SAMD5: variants seen among roughly 807,000 people sequenced by gnomAD.
The protein encoded by SAMD5 is sterile alpha motif domain-containing protein 5.
Under a neutral mutation model 11.3 loss-of-function variants are expected in SAMD5, and 13 were observed. The observed-to-expected ratio is 1.15, with a 90% CI of 0.75 to 1.83. The LOEUF is 1.83. Ranked by LOEUF, SAMD5 falls within the 40% of genes most tolerant of loss-of-function variation. SAMD5 has a pLI of 0.00. For synonymous variants in SAMD5, 129 were observed against 111.3 expected (o/e 1.16, Z -1.00); for missense variants, 255 against 239.1 (o/e 1.07, Z -0.44).
the SAMD5 span, among the ~76,000 whole-genome samples, chr6:147,843,588 TA>T: frequency 6.6e-6 from 1 of 152,160 alleles, no homozygotes; most frequent in South Asian, 2.1e-4. Context: ...ATGGGATTTC[TA>T]AACATATTAC....
the SAMD5 span, among the ~76,000 whole-genome samples, chr6:147,862,992 G>A: frequency 2.6e-5 from 4 of 152,090 alleles, no homozygotes; most frequent in African/African-American, 9.7e-5. Flanking sequence ...AATAAATGTA[G>A]GCTGGGGAAT....
chr6:147,704,309 A>G (rs958876355), intron 1 of SAMD5, among the ~76,000 whole-genome samples: 16 of 150,900 alleles, frequency 1.1e-4, no homozygotes, highest in Non-Finnish European at 1.9e-4. Context: ...CTCAACATTT[A>G]ATTTTCTAGA....
chr6:147,692,091 T>C (rs1221252253), intron 1 of SAMD5, among the ~76,000 whole-genome samples: 1 of 152,212 alleles, frequency 6.6e-6, no homozygotes, highest in Non-Finnish European at 1.5e-5. Context: ...AAGTGGATGA[T>C]AACTTATTGA....
At chr6:147,804,373 G>C in the SAMD5 span, among the ~76,000 whole-genome samples, 1 of 152,074 alleles carries the variant, frequency 6.6e-6, no homozygotes, top group African/African-American at 2.4e-5. Context: ...GCCTCCCAAA[G>C]TGCTGGGATT....
chr6:147,893,655 G>A, the SAMD5 span, among the ~76,000 whole-genome samples: 2 of 152,034 alleles, frequency 1.3e-5, no homozygotes, highest in African/African-American at 4.8e-5. Context: ...TGACACTATT[G>A]CTTGACCTGT....
At chr6:147,590,459 C>A (rs1003630602) in intron 1 of SAMD5, among the ~76,000 whole-genome samples, 4 of 152,166 alleles carry the variant, frequency 2.6e-5, no homozygotes, top group Non-Finnish European at 4.4e-5. Flanking sequence ...ATTGCCCAGA[C>A]TGGAGTGCAG....
chr6:147,587,259 A>G (rs904173157), intron 1 of SAMD5, among the ~76,000 whole-genome samples: 2 of 152,038 alleles, frequency 1.3e-5, no homozygotes, highest in East Asian at 3.9e-4. Flanking sequence ...GCTTTTTGAG[A>G]TGGAGTTTCA....
the SAMD5 span, among the ~76,000 whole-genome samples, chr6:147,853,362 A>G: frequency 1.3e-5 from 2 of 151,974 alleles, no homozygotes; most frequent in African/African-American, 4.8e-5. Context: ...TTGAAACTCA[A>G]ATTCCAGAAT....
intron 1 of SAMD5, among the ~76,000 whole-genome samples, chr6:147,677,874 A>G (rs1304689807): frequency 1.3e-5 from 2 of 152,064 alleles, no homozygotes; most frequent in African/African-American, 2.4e-5. Context: ...GAATAATTGA[A>G]ACACTCCTGG....
the SAMD5 span, among the ~76,000 whole-genome samples, chr6:147,926,436 A>G: frequency 6.7e-6 from 1 of 150,062 alleles, no homozygotes; most frequent in Admixed American, 6.7e-5. Flanking sequence ...CTAATGATCC[A>G]TAATATTGAG....
intron 1 of SAMD5, among the ~76,000 whole-genome samples, chr6:147,587,532 C>T (rs549266591): frequency 1.2e-4 from 19 of 152,206 alleles, no homozygotes; most frequent in African/African-American, 3.9e-4. Context: ...CCACTGCTCC[C>T]GGCCCTTTTC....
intron 1 of SAMD5, among the ~76,000 whole-genome samples, chr6:147,610,496 A>C (rs1789767591): frequency 6.6e-6 from 1 of 152,162 alleles, no homozygotes; most frequent in African/African-American, 2.4e-5. Context: ...ATTTCCTCTA[A>C]AATTGTATTC....
chr6:147,745,944 C>T, the SAMD5 span, among the ~76,000 whole-genome samples: 1 of 152,054 alleles, frequency 6.6e-6, no homozygotes, highest in Non-Finnish European at 1.5e-5. Context: ...GTTTCACTAT[C>T]TTGGCCAGGC....
intron 1 of SAMD5, among the ~76,000 whole-genome samples, chr6:147,535,041 A>G (rs999799061): frequency 1.3e-5 from 2 of 152,182 alleles, no homozygotes; most frequent in Non-Finnish European, 2.9e-5. Flanking sequence ...GATCTCTTTC[A>G]CTGTCTCAGT....
At chr6:147,627,732 G>T (rs568862346) in intron 1 of SAMD5, among the ~76,000 whole-genome samples, 78 of 152,202 alleles carry the variant, frequency 5.1e-4, no homozygotes, top group African/African-American at 1.9e-3. Flanking sequence ...TAGTAAATCT[G>T]CAGTGAAAAT....
intron 1 of SAMD5, among the ~76,000 whole-genome samples, chr6:147,622,945 T>C (rs1414594729): frequency 6.6e-6 from 1 of 152,110 alleles, no homozygotes; most frequent in Non-Finnish European, 1.5e-5. Flanking sequence ...CCATCAGACC[T>C]TGTGAGACTT....
intron 1 of SAMD5, among the ~76,000 whole-genome samples, chr6:147,532,348 CA>C (rs1234777979): frequency 4.0e-5 from 6 of 151,672 alleles, no homozygotes; most frequent in Admixed American, 6.6e-5. Context: ...TATGCCTTTG[CA>C]TCCTCATAGC....
the SAMD5 span, among the ~76,000 whole-genome samples, chr6:147,909,427 G>C: frequency 3.3e-5 from 5 of 152,144 alleles, no homozygotes; most frequent in African/African-American, 1.2e-4. Context: ...AAAACCTGTG[G>C]GGTACATAAA....
the SAMD5 span, among the ~76,000 whole-genome samples, chr6:147,905,127 A>T: frequency 6.6e-6 from 1 of 152,022 alleles, no homozygotes; most frequent in Non-Finnish European, 1.5e-5. Flanking sequence ...ACCTCAGGTG[A>T]TCCACCCGCC....
Sources: allele counts gnomAD v4.1 joint callset (sites outside exome capture counted in the v4.1 genomes callset), GRCh38; gene constraint gnomAD v4.1.1; transcripts MANE v1.5; gene names NCBI Gene and HGNC (gene_info 2026-07-23, HGNC 2026-07-21).